Variants in ZNF483 observed in about 807,000 individuals in gnomAD.
ZNF483 encodes the protein zinc finger protein 483, also known as zinc finger protein HIT-10.
ZNF483 carries 9 observed loss-of-function variants against 28.6 expected under a neutral mutation model. That is an observed-to-expected ratio of 0.32 (90% CI 0.19 to 0.55). The LOEUF is 0.55. Among genes scored for constraint, ZNF483 ranks in the 20% least tolerant of loss-of-function variants. The pLI, the probability that ZNF483 is intolerant of heterozygous loss-of-function variation, is 0.93. For missense variants in ZNF483, 675 were observed against 871.7 expected, an observed-to-expected ratio of 0.77 and a Z score of 2.84; for synonymous variants, 322 against 306.2, an observed-to-expected ratio of 1.05 and a Z score of -0.54.
At position 111,551,468 on chromosome 9, in the gene ZNF483, C is replaced by T. The variant is rs977786302; in HGVS notation, c.*8298C>T. On this transcript the variant is annotated 3_prime_UTR_variant, in exon 6 of 6. Transcript: ENST00000309235. ...TGTTGCCCAGGCTGGAGTGCAGTGG[C>T]GCAATCTTGGTCCACTGCAACCTCC... Among the ~76,000 whole-genome samples, 8 of 135,554 alleles carry T rather than the reference C, an allele frequency of 5.9e-5. No individual in the cohort carries two copies. Among genetic ancestry groups the T allele is most frequent in the Non-Finnish European group, 9.1e-5 (6 of 65,590 alleles). 88.9% of individuals were successfully genotyped at this position (135,554 alleles called of 152,430 possible). A position where few individuals can be genotyped will look rare whatever the true frequency, so the allele number is the denominator to read the frequency against.
intron 1 of ZNF483, 146 bp from the exon 2 acceptor site, chr9:111,527,122 G>C (rs1388354097): frequency 4.0e-6 from 1 of 249,912 alleles, no homozygotes; most frequent in East Asian, 7.6e-5. Context: ...AAGAAAGAAA[G>C]TTATCCTTTT....
chr9:111,577,877 A>C (rs1644706357), downstream of ZNF483: 1 of 152,120 alleles, frequency 6.6e-6, no homozygotes, highest in Admixed American at 6.6e-5. Context: ...AGCACTGATA[A>C]ATTCTATGAT....
rs1328765423 is a variant in ZNF483 at position 111,547,763 on chromosome 9, G to A, written c.*4593G>A. ...TTTCTCCTATTCTAGGAGTTTTATA[G>A]TTTCAGGTCTTATGTTTAAGTCTTT... On this transcript the variant is annotated 3_prime_UTR_variant, in exon 6 of 6. Transcript: ENST00000309235. Among the ~76,000 whole-genome samples, 1 of 152,014 alleles carries A rather than the reference G, an allele frequency of 6.6e-6. No individual in the cohort carries two copies. Among genetic ancestry groups the A allele is most frequent in the African/African-American group, 2.4e-5 (1 of 41,400 alleles).
chr9:111,535,860 T>A (rs993874347), intron 5 of ZNF483, among the ~76,000 whole-genome samples: 1 of 148,412 alleles, frequency 6.7e-6, no homozygotes, highest in East Asian at 2.0e-4. Flanking sequence ...TAGGTTTTTT[T>A]ATACTTACCT....
Position 111,533,876 on chromosome 9 carries a change from C to G in ZNF483, c.628+11C>G, listed in dbSNP as rs1827409569. ...ACCTAGAATTTCTGGGTAAAGACAC[C>G]TTTTCTTCATTACCTAGCGTTTAAC... On this transcript the variant is annotated intron_variant, in intron 4 of 5. Transcript: ENST00000309235. 1 of 1,587,288 alleles carries G rather than the reference C, an allele frequency of 6.3e-7. No individual in the cohort carries two copies. The highest frequency in any genetic ancestry group is 2.3e-5 in the East Asian group (1 of 44,164).
intron 5 of ZNF483, among the ~76,000 whole-genome samples, chr9:111,537,984 G>A (rs1054160424): frequency 1.3e-4 from 20 of 152,114 alleles, no homozygotes; most frequent in African/African-American, 4.6e-4. Flanking sequence ...GACTGTGAAT[G>A]ACACCAAGTA....
rs1050146857 is a variant in ZNF483, at chr9:111,533,552, G to A, written c.502-187G>A. ...AAAAATAAGCCAAGCATGGTGGCACGTGCCTGCAGTCCCAGCTACTGGTGG... is the reference window on the plus strand; with the variant it reads ...AAAAATAAGCCAAGCATGGTGGCACATGCCTGCAGTCCCAGCTACTGGTGG... On this transcript the variant is annotated intron_variant, in intron 3 of 5. Transcript: ENST00000309235. Among the ~76,000 whole-genome samples, 6 of 151,998 alleles carry A rather than the reference G, an allele frequency of 3.9e-5. No individual in the cohort carries two copies. The East Asian group carries it at 7.7e-4, about 20-fold the overall frequency.
chr9:111,534,380 A>T (rs749677697), intron 5 of ZNF483, 27 bp downstream of exon 5: 28 of 1,580,526 alleles, frequency 1.8e-5, no homozygotes, highest in Non-Finnish European at 2.3e-5. Flanking sequence ...TACACAACGA[A>T]ATTAAAGCAG....
rs115554295 is a variant in ZNF483 at position 111,549,483 on chromosome 9, G to A, written c.*6313G>A. Among the ~76,000 whole-genome samples the A allele has an allele frequency of 4.4e-3, 666 of 152,286 alleles. 12 individuals are homozygous for A. Among genetic ancestry groups the A allele is most frequent in the African/African-American group, 0.015 (611 of 41,564 alleles). On this transcript the variant is annotated 3_prime_UTR_variant, in exon 6 of 6. Coordinates refer to ENST00000309235, the MANE Select transcript of ZNF483 (RefSeq NM_133464.5). ...TTTTTCACCCTGAGAAATTGGTGAG[G>A]TATCTTTCTCTCAGAGTCTTTTTTA...
chr9:111,556,268 C>T (rs913195385), downstream of ZNF483, among the ~76,000 whole-genome samples: 3 of 152,268 alleles, frequency 2.0e-5, no homozygotes, highest in Non-Finnish European at 4.4e-5. Flanking sequence ...ACCTCTGCCC[C>T]TGTTACTCTG....
intron 2 of ZNF483, among the ~76,000 whole-genome samples, chr9:111,529,969 G>A (rs956616128): frequency 6.6e-6 from 1 of 152,152 alleles, no homozygotes; most frequent in Non-Finnish European, 1.5e-5. Flanking sequence ...CAGTCTTTTT[G>A]TTATTTATAA....
chr9:111,539,761 C>CAAA (rs201992061), intron 5 of ZNF483: 6 of 105,956 alleles, frequency 5.7e-5, no homozygotes, highest in South Asian at 2.5e-4. Flanking sequence ...AACTCCGTCT[C>CAAA]AAAAAAAAAA....
chr9:111,554,397 T>G lies in ZNF483; in HGVS notation c.*11227T>G, dbSNP rs945709913. On this transcript the variant is annotated 3_prime_UTR_variant, in exon 6 of 6. Transcript: ENST00000309235. The stretch of plus-strand genomic sequence containing the variant: ...GCTTGAAATACAGCTTTCCCCTCAT[T>G]GTGGTGAGCACATAGATTATTTCTA... Among the ~76,000 whole-genome samples, 1 of 152,226 alleles carries G rather than the reference T, an allele frequency of 6.6e-6. No individual in the cohort carries two copies. Among genetic ancestry groups the G allele is most frequent in the Non-Finnish European group, 1.5e-5 (1 of 68,028 alleles).
chr9:111,573,767 A>C (rs1239121084), intron 5 of ZNF483, among the ~76,000 whole-genome samples: 1 of 152,174 alleles, frequency 6.6e-6, no homozygotes, highest in South Asian at 2.1e-4. Context: ...AGGCCTGTAC[A>C]AGGCATCTCA....
chr9:111,570,137 T>A (rs1828744564), intron 5 of ZNF483: 1 of 1,613,892 alleles, frequency 6.2e-7, no homozygotes, highest in African/African-American at 1.3e-5. Context: ...TTGGCGGGCA[T>A]CTCCTTGCCA....
At chr9:111,566,663 C>A (rs1430315188) in intron 5 of ZNF483, among the ~76,000 whole-genome samples, 2 of 152,090 alleles carry the variant, frequency 1.3e-5, no homozygotes, top group Non-Finnish European at 2.9e-5. Context: ...CATGTATGCA[C>A]CCCTCTAACA....
Position 111,534,267 on chromosome 9 carries a change from C to T in ZNF483, c.635C>T (p.Pro212Leu). The T allele has an allele frequency of 1.9e-6, 3 of 1,613,778 alleles. No homozygotes were observed. The highest frequency in any genetic ancestry group is 2.5e-6 in the Non-Finnish European group (3 of 1,179,866). The change falls in exon 5 of 6, where the codon CCA becomes CTA. Residue 212 changes from proline to leucine, a missense_variant. Coordinates refer to ENST00000309235, the MANE Select transcript of ZNF483 (RefSeq NM_133464.5). The stretch of plus-strand genomic sequence containing the variant: ...TTCTTTTCTCTATGAGCAGACTTTC[C>T]AGTTTCAAAATTAGAGTTGATTTCC... ...NLRNLEFLDFPVSKLELISQL... is the reference protein window; with the variant it reads ...NLRNLEFLDFLVSKLELISQL...
chr9:111,525,612 C>T (rs1312705242), intron 1 of ZNF483, among the ~76,000 whole-genome samples: 1 of 152,152 alleles, frequency 6.6e-6, no homozygotes, highest in Admixed American at 6.5e-5. Flanking sequence ...TCGAGCTAAC[C>T]AAAAATGTGT....
At chr9:111,577,876 A>C (rs575804226), downstream of ZNF483, 12 of 152,246 alleles carry the variant, frequency 7.9e-5, no homozygotes, top group African/African-American at 2.9e-4. Context: ...AAGCACTGAT[A>C]AATTCTATGA....
Sources: allele counts gnomAD v4.1 joint callset (sites outside exome capture counted in the v4.1 genomes callset), GRCh38; gene constraint gnomAD v4.1.1; transcripts MANE v1.5; gene names NCBI Gene and HGNC (gene_info 2026-07-23, HGNC 2026-07-21).